ROBO1: variants seen among roughly 807,000 people sequenced by gnomAD.
ROBO1 encodes the protein roundabout guidance receptor 1.
Under a neutral mutation model 195.9 loss-of-function variants are expected in ROBO1, and 149 were observed. The ratio of observed to expected loss-of-function variants is 0.76; its 90% CI spans 0.67 to 0.87. The LOEUF is 0.87. ROBO1 is among the 40% of genes least tolerant of loss of function. ROBO1 has a pLI of 0.00. For synonymous variants in ROBO1, 816 were observed against 733.2 expected (o/e 1.11, Z -1.82); for missense variants, 1,933 against 2,068.3 (o/e 0.93, Z 1.27).
intron 2 of ROBO1, among the ~76,000 whole-genome samples, chr3:79,422,146 A>G (rs558858469): frequency 3.2e-4 from 47 of 148,302 alleles, no homozygotes; most frequent in African/African-American, 9.8e-4. Flanking sequence ...TACATATTTT[A>G]TGTATTATAT....
At chr3:79,006,742 C>A (rs2077630147) in intron 3 of ROBO1, among the ~76,000 whole-genome samples, 1 of 133,564 alleles carries the variant, frequency 7.5e-6, no homozygotes, top group South Asian at 2.6e-4. Context: ...AGTTTTCAAC[C>A]CTTACAAAAT....
intron 1 of ROBO1, among the ~76,000 whole-genome samples, chr3:79,723,489 G>A (rs1702786363): frequency 6.6e-6 from 1 of 152,058 alleles, no homozygotes; most frequent in Non-Finnish European, 1.5e-5. Context: ...AAATCCTCAA[G>A]ATAAATGTAT....
chr3:78,988,025 T>C (rs2077152607), intron 3 of ROBO1, among the ~76,000 whole-genome samples: 1 of 152,162 alleles, frequency 6.6e-6, no homozygotes, highest in South Asian at 2.1e-4. Context: ...CTACACGCAA[T>C]GTATATTCCC....
chr3:79,626,529 G>T (rs1468951862), intron 1 of ROBO1, among the ~76,000 whole-genome samples: 1 of 152,208 alleles, frequency 6.6e-6, no homozygotes, highest in African/African-American at 2.4e-5. Flanking sequence ...TATGACAAAT[G>T]CACAGCCAAT....
intron 5 of ROBO1, among the ~76,000 whole-genome samples, chr3:78,745,766 T>C (rs1445539015): frequency 1.3e-5 from 2 of 152,220 alleles, no homozygotes. Context: ...TAATTTTCTT[T>C]CAAGGTCTCT....
At chr3:79,426,787 A>T (rs2038464260) in intron 2 of ROBO1, among the ~76,000 whole-genome samples, 1 of 152,178 alleles carries the variant, frequency 6.6e-6, no homozygotes, top group Non-Finnish European at 1.5e-5. Context: ...GTAACTTGAG[A>T]AAACATTTTA....
intron 28 of ROBO1, among the ~76,000 whole-genome samples, chr3:78,613,028 T>C (rs1672131499): frequency 6.6e-6 from 1 of 152,192 alleles, no homozygotes. Context: ...TTATTAACAC[T>C]GAAACAAGTA....
intron 2 of ROBO1, among the ~76,000 whole-genome samples, chr3:79,500,119 C>CTTTTTTTTTTTTT (rs57887981): frequency 1.4e-5 from 1 of 72,476 alleles, no homozygotes; most frequent in Non-Finnish European, 2.5e-5. Context: ...TAAGTTTTCT[C>CTTTTTTTTTTTTT]TTTTTTTTTT....
intron 2 of ROBO1, among the ~76,000 whole-genome samples, chr3:79,215,643 C>T (rs767423825): frequency 1.6e-4 from 24 of 152,190 alleles, no homozygotes; most frequent in Non-Finnish European, 3.2e-4. Context: ...GACATACAGT[C>T]TCAGTTCATC....
chr3:79,451,289 G>A (rs1013310939), intron 2 of ROBO1, among the ~76,000 whole-genome samples: 7 of 152,064 alleles, frequency 4.6e-5, no homozygotes, highest in African/African-American at 1.7e-4. Flanking sequence ...TTGACTTAGG[G>A]AGATGAAGCT....
chr3:79,323,043 T>TA (rs1418525284), intron 2 of ROBO1, among the ~76,000 whole-genome samples: 3 of 151,898 alleles, frequency 2.0e-5, no homozygotes, highest in Non-Finnish European at 4.4e-5. Flanking sequence ...TTATATTATT[T>TA]AAAAAATGCT....
intron 3 of ROBO1, among the ~76,000 whole-genome samples, chr3:79,118,345 T>A (rs1416985082): frequency 6.6e-6 from 1 of 152,024 alleles, no homozygotes; most frequent in Non-Finnish European, 1.5e-5. Context: ...TCTTACTGAA[T>A]TATCCAAATA....
At chr3:78,678,489 G>C (rs546869058) in intron 10 of ROBO1, among the ~76,000 whole-genome samples, 1 of 151,884 alleles carries the variant, frequency 6.6e-6, no homozygotes, top group Non-Finnish European at 1.5e-5. Context: ...ATGATAAAGG[G>C]GATATCACCA....
intron 2 of ROBO1, among the ~76,000 whole-genome samples, chr3:79,270,178 GT>G (rs869058208): frequency 9.4e-6 from 1 of 106,156 alleles, no homozygotes; most frequent in South Asian, 3.2e-4. Flanking sequence ...CATACATAAT[GT>G]TCTCTCTCTC....
intron 4 of ROBO1, among the ~76,000 whole-genome samples, chr3:78,850,673 T>C (rs1395755554): frequency 6.6e-6 from 1 of 152,140 alleles, no homozygotes; most frequent in East Asian, 1.9e-4. Flanking sequence ...AACCTCAAGA[T>C]AGGAAGGCAC....
chr3:78,939,304 A>G (rs988263711), intron 3 of ROBO1, among the ~76,000 whole-genome samples: 1 of 152,110 alleles, frequency 6.6e-6, no homozygotes, highest in African/African-American at 2.4e-5. Context: ...TTTAACGAAC[A>G]TCAGTCAACA....
intron 1 of ROBO1, among the ~76,000 whole-genome samples, chr3:79,727,601 A>G (rs1477927302): frequency 6.6e-6 from 1 of 152,162 alleles, no homozygotes; most frequent in Non-Finnish European, 1.5e-5. Flanking sequence ...GGATTTTGGC[A>G]TCTCTGCTAT....
chr3:79,062,946 C>G (rs1202014578), intron 3 of ROBO1, among the ~76,000 whole-genome samples: 1 of 151,806 alleles, frequency 6.6e-6, no homozygotes, highest in Non-Finnish European at 1.5e-5. Context: ...AAAACCTGCA[C>G]GTTCTGCACA....
intron 3 of ROBO1, among the ~76,000 whole-genome samples, chr3:79,004,362 C>T (rs1466687238): frequency 6.6e-6 from 1 of 152,156 alleles, no homozygotes; most frequent in African/African-American, 2.4e-5. Context: ...TCAAGAAATT[C>T]ATACTCCAAT....
Sources: gnomAD v4.1 joint callset for allele counts (sites outside exome capture counted in the v4.1 genomes callset) on GRCh38, gnomAD v4.1.1 for gene constraint, MANE v1.5 for transcripts, NCBI Gene and HGNC (gene_info 2026-07-23, HGNC 2026-07-21) for gene names.